ICA1L: variants seen among roughly 807,000 people sequenced by gnomAD.
ICA1L encodes the protein islet cell autoantigen 1 like.
A neutral mutation model predicts 61.3 loss-of-function variants in ICA1L; 50 were observed. The ratio of observed to expected loss-of-function variants is 0.82; its 90% CI spans 0.65 to 1.03. The LOEUF (loss-of-function observed/expected upper bound fraction) is 1.03, where lower values mean the gene tolerates loss of function less well. Ranked by LOEUF, ICA1L falls within the 50% of genes least tolerant of loss-of-function variation. ICA1L has a pLI of 0.00. For missense variants in ICA1L, 508 were observed against 556.7 expected (o/e 0.91, Z 0.88); for synonymous variants, 161 against 191.3 (o/e 0.84, Z 1.31).
intron 3 of ICA1L, 48 bp downstream of exon 3, chr2:202,825,647 T>C (rs377640400): frequency 7.3e-7 from 1 of 1,368,272 alleles, no homozygotes; most frequent in Non-Finnish European, 1.0e-6. Context: ...AAAATGCTAA[T>C]ATTTATTTTA....
intron 1 of ICA1L, among the ~76,000 whole-genome samples, chr2:202,857,283 G>T (rs919282731): frequency 6.6e-5 from 10 of 152,032 alleles, no homozygotes; most frequent in Admixed American, 3.9e-4. Context: ...AAGATACATA[G>T]ATCAATGGAA....
intron 1 of ICA1L, among the ~76,000 whole-genome samples, chr2:202,835,330 T>G (rs1694120755): frequency 6.6e-6 from 1 of 150,838 alleles, no homozygotes; most frequent in East Asian, 2.0e-4. Context: ...CTCAGTCTCC[T>G]GAGTAGCTGG....
chr2:202,838,429 A>G (rs72932794), intron 1 of ICA1L, among the ~76,000 whole-genome samples: 81 of 152,298 alleles, frequency 5.3e-4, no homozygotes, highest in Middle Eastern at 6.8e-3. Flanking sequence ...CTGCATATAT[A>G]TGTTATATCC....
chr2:202,779,717 T>C (rs1354307642), intron 12 of ICA1L, 69 bp from the exon 13 acceptor site: 7 of 924,732 alleles, frequency 7.6e-6, no homozygotes. Context: ...ACCATATTTA[T>C]GATTTTGAAG....
In ICA1L at chr2:202,819,734, T is replaced by G. The variant is rs199710745; in HGVS notation, c.525A>C (p.Pro175=). The change falls in exon 5 of 13, where the codon CCA becomes CCC. Residue 175 remains proline, a synonymous_variant. Transcript: ENST00000358299. The part of the protein sequence containing the change: ...WMKDVSQELD[P]DTLKQMEKFR... ...ACTTTTCCATTTGCTTTAAGGTGTCTGGGTCCAGCTCTTGGGATACATCTT... is the reference window on the plus strand; with the variant it reads ...ACTTTTCCATTTGCTTTAAGGTGTCGGGGTCCAGCTCTTGGGATACATCTT... 8.7e-6 allele frequency: 14 copies of G among 1,614,084 alleles called. No homozygotes were observed. The highest frequency in any genetic ancestry group is 1.2e-5 in the Non-Finnish European group (14 of 1,180,006).
intron 10 of ICA1L, among the ~76,000 whole-genome samples, chr2:202,794,055 T>G (rs1460684298): frequency 2.0e-5 from 3 of 151,574 alleles, no homozygotes; most frequent in African/African-American, 7.3e-5. Context: ...ATGACAAAGC[T>G]GGACTTACAA....
At chr2:202,794,758 T>C (rs1692872119) in intron 10 of ICA1L, among the ~76,000 whole-genome samples, 1 of 151,704 alleles carries the variant, frequency 6.6e-6, no homozygotes, top group African/African-American at 2.4e-5. Context: ...ACCAGAAAGA[T>C]AAAATACATA....
chr2:202,797,164 A>G (rs183726098), intron 9 of ICA1L, among the ~76,000 whole-genome samples, 200 bp from the exon 10 acceptor site: 1,656 of 69,108 alleles, frequency 0.024, 21 homozygotes, highest in Middle Eastern at 0.057. Flanking sequence ...GTGTGTGTGT[A>G]TATGTATATA....
intron 8 of ICA1L, among the ~76,000 whole-genome samples, chr2:202,814,133 C>G (rs956749887): frequency 2.6e-5 from 4 of 152,148 alleles, no homozygotes; most frequent in African/African-American, 9.7e-5. Context: ...AAACAAATTG[C>G]TAAGATCTGA....
At chr2:202,794,938 T>G (rs1318092102) in intron 10 of ICA1L, among the ~76,000 whole-genome samples, 1 of 151,962 alleles carries the variant, frequency 6.6e-6, no homozygotes, top group African/African-American at 2.4e-5. Flanking sequence ...GTATCGAGCT[T>G]TTTAATAAAG....
intron 5 of ICA1L, among the ~76,000 whole-genome samples, chr2:202,819,195 G>T (rs955202755): frequency 1.7e-4 from 26 of 152,286 alleles, no homozygotes; most frequent in Non-Finnish European, 2.9e-4. Flanking sequence ...TGTTATTTAT[G>T]TATAGTATAA....
chr2:202,826,774 G>C (rs1178188112), intron 2 of ICA1L, among the ~76,000 whole-genome samples: 1 of 148,430 alleles, frequency 6.7e-6, no homozygotes, highest in Non-Finnish European at 1.5e-5. Context: ...AGCAAGGCCT[G>C]TCTGTTCAGA....
At chr2:202,857,770 A>C (rs1574384727) in intron 1 of ICA1L, among the ~76,000 whole-genome samples, 1 of 152,182 alleles carries the variant, frequency 6.6e-6, no homozygotes, top group African/African-American at 2.4e-5. Flanking sequence ...AACTTAAACA[A>C]ATTTACAAGA....
intron 1 of ICA1L, chr2:202,841,581 T>C (rs1574371467): frequency 1.4e-6 from 1 of 692,958 alleles, no homozygotes; most frequent in South Asian, 1.4e-5. Context: ...GTGACAGCAG[T>C]GATGCTTCCC....
chr2:202,850,550 T>G (rs566237054), intron 1 of ICA1L, among the ~76,000 whole-genome samples: 1 of 151,916 alleles, frequency 6.6e-6, no homozygotes, highest in Non-Finnish European at 1.5e-5. Flanking sequence ...AAACTGAAGA[T>G]CAACTTACTG....
intron 9 of ICA1L, among the ~76,000 whole-genome samples, chr2:202,804,725 G>T (rs554806168): frequency 2.6e-5 from 4 of 152,272 alleles, no homozygotes; most frequent in Middle Eastern, 6.8e-3. Context: ...TTCTTCTCAA[G>T]CAACATGAAA....
intron 12 of ICA1L, among the ~76,000 whole-genome samples, chr2:202,785,670 G>A (rs1327884002): frequency 2.0e-5 from 3 of 152,020 alleles, no homozygotes; most frequent in Non-Finnish European, 2.9e-5. Context: ...TGGGCAGTCC[G>A]CCTGCCTAGC....
At chr2:202,811,556 G>A (rs961460244) in intron 9 of ICA1L, among the ~76,000 whole-genome samples, 190 bp downstream of exon 9, 1 of 151,490 alleles carries the variant, frequency 6.6e-6, no homozygotes, top group African/African-American at 2.4e-5. Context: ...CAGCTACTCA[G>A]GAGGCTGAGG....
At chr2:202,841,633 A>C (rs1368342760) in intron 1 of ICA1L, 1 of 620,830 alleles carries the variant, frequency 1.6e-6, no homozygotes, top group Non-Finnish European at 3.1e-6. Context: ...GGACACCCCG[A>C]AAGATGCTGC....
Sources: allele counts gnomAD v4.1 joint callset (sites outside exome capture counted in the v4.1 genomes callset), GRCh38; gene constraint gnomAD v4.1.1; transcripts MANE v1.5; gene names NCBI Gene and HGNC (gene_info 2026-07-23, HGNC 2026-07-21).